Variants in TEX9 observed in about 807,000 individuals in gnomAD.
TEX9 encodes the protein testis-expressed protein 9.
In TEX9, 74 loss-of-function variants were observed where a neutral mutation model predicts 59.6. That is an observed-to-expected ratio of 1.24 (90% confidence interval 1.03 to 1.51). The LOEUF (loss-of-function observed/expected upper bound fraction) is 1.51, where lower values mean the gene tolerates loss of function less well. Ranked by LOEUF, TEX9 falls within the 40% of genes most tolerant of loss-of-function variation. The pLI is 0.00. For missense variants in TEX9, 522 were observed against 447.8 expected, an observed-to-expected ratio of 1.17 and a Z score of -1.49; for synonymous variants, 186 against 152.2, an observed-to-expected ratio of 1.22 and a Z score of -1.64.
chr15:56,389,608 G>A (rs552708758), intron 6 of TEX9, among the ~76,000 whole-genome samples: 1 of 151,614 alleles, frequency 6.6e-6, no homozygotes. Flanking sequence ...ATTTTATATT[G>A]TTCTCTTAAG....
At chr15:56,260,656 G>T (rs117264037) in intron 1 of TEX9, among the ~76,000 whole-genome samples, 2,365 of 151,754 alleles carry the variant, frequency 0.016, 33 homozygotes, top group Non-Finnish European at 0.024. Context: ...TTAATACTTT[G>T]TTCTAATTTT....
Position 56,442,910 on chromosome 15 carries a change from GA to G in TEX9, c.*30-2748del, listed in dbSNP as rs879742910. On this transcript the variant is annotated intron_variant, in intron 12 of 12. Coordinates refer to ENST00000352903, the Ensembl canonical transcript of TEX9. ...AAAGTAAAAGTTGGAAAGAGAAAAA[GA>G]AAAAAAAAAAAATCTTGAACTCTGA... 7.5e-3 allele frequency among the ~76,000 whole-genome samples: 1,043 copies of G among 139,992 alleles called. 8 individuals carry two copies. Among genetic ancestry groups the G allele is most frequent in the African/African-American group, 0.018 (693 of 38,522 alleles). The allele number at this position is 139,992 out of a possible 152,430, so 91.8% of individuals were successfully genotyped here. A position where few individuals can be genotyped will look rare whatever the true frequency, so the allele number is the denominator to read the frequency against.
Position 56,390,837 on chromosome 15 carries a change from G to A in TEX9, c.396-406G>A, listed in dbSNP as rs117190779. ...GTTTGTACAGTTTTTCTCTAGAAGCGTGTAAATTTAAAAGTCATAGGCTGG... is the reference window on the plus strand; with the variant it reads ...GTTTGTACAGTTTTTCTCTAGAAGCATGTAAATTTAAAAGTCATAGGCTGG... On this transcript the variant is annotated intron_variant, in intron 6 of 12. Coordinates refer to ENST00000352903, the Ensembl canonical transcript of TEX9. 8.0e-4 allele frequency among the ~76,000 whole-genome samples: 122 copies of A among 152,130 alleles called. 1 individual carries two copies. Among genetic ancestry groups the A allele is most frequent in the East Asian group, 6.6e-3 (34 of 5,182 alleles).
chr15:56,356,569 A>G (rs546307291), intron 1 of TEX9, among the ~76,000 whole-genome samples: 2 of 152,086 alleles, frequency 1.3e-5, no homozygotes, highest in Non-Finnish European at 2.9e-5. Flanking sequence ...TTATCTAAAG[A>G]TATCTTTATT....
intron 1 of TEX9, among the ~76,000 whole-genome samples, chr15:56,247,025 A>G (rs1420577359): frequency 6.6e-6 from 1 of 152,252 alleles, no homozygotes; most frequent in Non-Finnish European, 1.5e-5. Flanking sequence ...TATTTATCCT[A>G]GTAGTCCCAG....
At chr15:56,270,516 C>A (rs1346587266) in intron 1 of TEX9, among the ~76,000 whole-genome samples, 1 of 152,182 alleles carries the variant, frequency 6.6e-6, no homozygotes, top group East Asian at 1.9e-4. Flanking sequence ...CTTCCTCCAT[C>A]CTTTTATTTT....
At chr15:56,442,086 A>T (rs1307294715) in intron 12 of TEX9, among the ~76,000 whole-genome samples, 1 of 152,130 alleles carries the variant, frequency 6.6e-6, no homozygotes, top group East Asian at 1.9e-4. Context: ...ATGAACAGAT[A>T]CCTCTCAAAA....
chr15:56,433,664 G>C (rs192179379), intron 12 of TEX9, among the ~76,000 whole-genome samples: 1 of 152,116 alleles, frequency 6.6e-6, no homozygotes, highest in East Asian at 1.9e-4. Context: ...TACCTTCAAT[G>C]CTCTCACTTG....
At chr15:56,250,945 G>T (rs1485705063) in intron 1 of TEX9, among the ~76,000 whole-genome samples, 20 of 152,206 alleles carry the variant, frequency 1.3e-4, no homozygotes, top group Admixed American at 1.3e-3. Context: ...AGCTGGGTAT[G>T]TGTCAACTTG....
chr15:56,271,892 G>C (rs2044541617), intron 1 of TEX9, among the ~76,000 whole-genome samples: 1 of 152,174 alleles, frequency 6.6e-6, no homozygotes. Context: ...TGTAATCCCA[G>C]CACTTTGGGA....
At chr15:56,334,591 G>A (rs113882328) in intron 1 of TEX9, among the ~76,000 whole-genome samples, 4 of 151,958 alleles carry the variant, frequency 2.6e-5, no homozygotes, top group Admixed American at 2.6e-4. Context: ...CATTGGTTTG[G>A]GCAAAAATTT....
At chr15:56,336,349 C>G (rs2046256409) in intron 1 of TEX9, among the ~76,000 whole-genome samples, 1 of 152,076 alleles carries the variant, frequency 6.6e-6, no homozygotes, top group Non-Finnish European at 1.5e-5. Context: ...AGGGTGGTCC[C>G]TGCATAAATG....
chr15:56,324,740 G>A (rs1397217513), intron 1 of TEX9, among the ~76,000 whole-genome samples: 3 of 152,122 alleles, frequency 2.0e-5, no homozygotes, highest in African/African-American at 7.2e-5. Flanking sequence ...GCCTGGCTTC[G>A]GCTAGATGTT....
intron 10 of TEX9, among the ~76,000 whole-genome samples, chr15:56,421,365 CAGA>C: frequency 6.6e-6 from 1 of 151,814 alleles, no homozygotes; most frequent in South Asian, 2.1e-4. Context: ...TGCTTGGGAC[CAGA>C]AGTGTTTTAG....
intron 1 of TEX9, among the ~76,000 whole-genome samples, chr15:56,306,286 A>G (rs2045485206): frequency 6.7e-6 from 1 of 149,714 alleles, no homozygotes; most frequent in Non-Finnish European, 1.5e-5. Context: ...AAAGGAAATC[A>G]GTGTATCAAA....
At chr15:56,421,260 G>A (rs2049964553) in intron 10 of TEX9, among the ~76,000 whole-genome samples, 1 of 151,776 alleles carries the variant, frequency 6.6e-6, no homozygotes, top group Non-Finnish European at 1.5e-5. Context: ...TAAGAAGATT[G>A]TTAAATCCTC....
chr15:56,394,792 A>G (rs541441008), exon 9 of TEX9: 16 of 1,613,186 alleles, frequency 9.9e-6, no homozygotes, highest in South Asian at 8.8e-5. Flanking sequence ...AAGCAAACAA[A>G]AAGTATGATG....
intron 1 of TEX9, among the ~76,000 whole-genome samples, chr15:56,318,751 T>G (rs759812668): frequency 6.6e-6 from 1 of 152,154 alleles, no homozygotes; most frequent in Non-Finnish European, 1.5e-5. Flanking sequence ...AGCAATCAAG[T>G]TCAGATTAAT....
At chr15:56,401,246 G>T (rs1318965973) in intron 9 of TEX9, among the ~76,000 whole-genome samples, 1 of 138,234 alleles carries the variant, frequency 7.2e-6, no homozygotes, top group Non-Finnish European at 1.5e-5. Flanking sequence ...CATCTCATGT[G>T]CAGAGACACA....
Sources: gnomAD v4.1 joint callset for allele counts (sites outside exome capture counted in the v4.1 genomes callset) on GRCh38, gnomAD v4.1.1 for gene constraint, MANE v1.5 for transcripts, NCBI Gene and HGNC (gene_info 2026-07-23, HGNC 2026-07-21) for gene names.